The following TDRD7 variants were observed in gnomAD, a reference collection of about 807,000 sequenced individuals.
TDRD7 encodes tudor domain containing 7.
TDRD7 carries 47 observed loss-of-function variants against 109.8 expected under a neutral mutation model. The observed-to-expected ratio is 0.43, with a 90% CI of 0.34 to 0.55. TDRD7 has a LOEUF of 0.55. Ranked by LOEUF, TDRD7 falls within the 20% of genes least tolerant of loss-of-function variation. TDRD7 has a pLI of 0.03. For synonymous variants in TDRD7, 424 were observed against 457.3 expected, an observed-to-expected ratio of 0.93 and a Z score of 0.93; for missense variants, 1,164 against 1,319.2, an observed-to-expected ratio of 0.88 and a Z score of 1.82.
At chr9:97,444,743 A>T (rs934013733) in intron 6 of TDRD7, among the ~76,000 whole-genome samples, 1 of 152,184 alleles carries the variant, frequency 6.6e-6, no homozygotes, top group Admixed American at 6.5e-5. Flanking sequence ...AAAATATTCT[A>T]TATTAAAAGA....
In TDRD7 at chr9:97,460,657, T is replaced by A; in HGVS notation, c.1335T>A (p.Ala445=). 1 of 1,614,196 alleles carries A rather than the reference T, an allele frequency of 6.2e-7. No homozygotes were observed. The highest frequency in any genetic ancestry group is 8.5e-7 in the Non-Finnish European group (1 of 1,180,020). The change falls in exon 7 of 17, where the codon GCT becomes GCA. Residue 445 remains alanine, a synonymous_variant. Transcript: ENST00000355295. ...TAGAAGAAAGCATTGCTGAAAGTGC[T>A]AATACCTTTATGGAGGACATAACAG... is the stretch of plus-strand genomic sequence containing the variant. ...LQVEESIAES[A]NTFMEDITVP...
At position 97,415,734 on chromosome 9, in the gene TDRD7, A is replaced by G. The variant is rs1316350835; in HGVS notation, c.-7+3496A>G. On this transcript the variant is annotated intron_variant, in intron 1 of 16. Transcript: ENST00000355295. Reference sequence around the variant, plus strand: ...CTTGAACCCGGCAGGCGGAGGTTGCAGTGAGCCAAGATTGCGCCACTGCAC... The same window carrying G: ...CTTGAACCCGGCAGGCGGAGGTTGCGGTGAGCCAAGATTGCGCCACTGCAC... 5.9e-5 allele frequency among the ~76,000 whole-genome samples: 9 copies of G among 152,346 alleles called. No individual in the cohort carries two copies. In the South Asian group the frequency reaches 1.7e-3, roughly 28 times the overall value.
At chr9:97,426,081 A>G (rs893636483) in intron 1 of TDRD7, among the ~76,000 whole-genome samples, 4 of 152,210 alleles carry the variant, frequency 2.6e-5, no homozygotes, top group Admixed American at 6.5e-5. Context: ...TGGCATACCT[A>G]TATAGGTCAC....
At chr9:97,488,812 A>G (rs1373121690) in intron 16 of TDRD7, among the ~76,000 whole-genome samples, 1 of 152,144 alleles carries the variant, frequency 6.6e-6, no homozygotes, top group South Asian at 2.1e-4. Flanking sequence ...GTTTCCCTCT[A>G]AGTACAGCTT....
At chr9:97,441,527 G>C in intron 5 of TDRD7, 131 bp from the exon 6 acceptor site, 2 of 760,626 alleles carry the variant, frequency 2.6e-6, no homozygotes, top group Non-Finnish European at 4.4e-6. Flanking sequence ...GCCTAATCCT[G>C]CTCCCTTCTA....
chr9:97,448,758 T>G (rs1168746578), intron 6 of TDRD7, among the ~76,000 whole-genome samples: 8 of 152,192 alleles, frequency 5.3e-5, no homozygotes, highest in Non-Finnish European at 1.2e-4. Context: ...CCATATAAAA[T>G]GAAATTTAGA....
chr9:97,422,442 A>G (rs775628893), intron 1 of TDRD7, among the ~76,000 whole-genome samples: 3 of 152,226 alleles, frequency 2.0e-5, no homozygotes, highest in Non-Finnish European at 4.4e-5. Context: ...TCTGGATTAC[A>G]TATTCTGTTC....
chr9:97,487,066 C>T lies in TDRD7; in HGVS notation c.2916-106C>T, dbSNP rs1829223064. ...AAATATAGTTTTAAATTTTGATAAA[C>T]ATAATTTGCATTAATTTTTCTTTTT... On this transcript the variant is annotated intron_variant, in intron 15 of 16. Coordinates refer to ENST00000355295, the MANE Select transcript of TDRD7 (RefSeq NM_014290.3). 3 of 1,239,724 alleles carry T rather than the reference C, an allele frequency of 2.4e-6. No individual in the cohort carries two copies. The Admixed American group carries it at 5.9e-5, about 25-fold the overall frequency. The allele number at this position is 1,239,724 out of a possible 1,614,324, so 76.8% of individuals were successfully genotyped here. A position where few individuals can be genotyped will look rare whatever the true frequency, so the allele number is the denominator to read the frequency against.
In TDRD7 at chr9:97,482,829, A is replaced by AT. The variant is rs775991277; in HGVS notation, c.2413-14dup. On this transcript the variant is annotated intron_variant, in intron 14 of 16. Coordinates refer to ENST00000355295, the MANE Select transcript of TDRD7 (RefSeq NM_014290.3). ...AATGTGAACTTGTATTTCTTATATCATTTTTTGTGTTTTCCAAAGGTTACA... is the reference window on the plus strand; with the variant it reads ...AATGTGAACTTGTATTTCTTATATCATTTTTTTGTGTTTTCCAAAGGTTACA... 77 of 1,612,496 alleles carry AT rather than the reference A, an allele frequency of 4.8e-5. No homozygotes were observed. The highest frequency in any genetic ancestry group is 6.2e-5 in the Non-Finnish European group (73 of 1,179,012).
At chr9:97,475,604 T>A in intron 12 of TDRD7, 135 bp downstream of exon 12, 1 of 727,840 alleles carries the variant, frequency 1.4e-6, no homozygotes, top group Non-Finnish European at 2.4e-6. Flanking sequence ...ATGACCAGTA[T>A]GGTTGAAATT....
chr9:97,431,925 G>C, intron 3 of TDRD7, 100 bp from the exon 4 acceptor site: 1 of 1,098,224 alleles, frequency 9.1e-7, no homozygotes, highest in South Asian at 1.3e-5. Flanking sequence ...ACTGTTCTGA[G>C]AATAGACACC....
intron 1 of TDRD7, among the ~76,000 whole-genome samples, chr9:97,416,352 A>G (rs375377937): frequency 1.1e-4 from 17 of 152,248 alleles, no homozygotes; most frequent in African/African-American, 4.1e-4. Flanking sequence ...AACCTCATAC[A>G]CTAGTAGTTG....
intron 15 of TDRD7, among the ~76,000 whole-genome samples, chr9:97,486,492 A>G (rs988285963): frequency 6.6e-6 from 1 of 151,654 alleles, no homozygotes; most frequent in African/African-American, 2.4e-5. Flanking sequence ...CAGGTTCTTT[A>G]TTTTAGGTGG....
At position 97,482,854 on chromosome 9, in the gene TDRD7, A is replaced by G; in HGVS notation, c.2418A>G (p.Thr806=). 6.2e-7 allele frequency: 1 copy of G among 1,614,086 alleles called. No individual in the cohort carries two copies. The highest frequency in any genetic ancestry group is 8.5e-7 in the Non-Finnish European group (1 of 1,179,936). ...LNCSDCSIKV[T]KVDETRGIAH... is the part of the protein sequence containing the mutation. ...ATTTTTTGTGTTTTCCAAAGGTTACAAAAGTGGATGAAACCAGAGGGATCG... is the reference window on the plus strand; with the variant it reads ...ATTTTTTGTGTTTTCCAAAGGTTACGAAAGTGGATGAAACCAGAGGGATCG... The change falls in exon 15 of 17, where the codon ACA becomes ACG. Residue 806 remains threonine (T), a synonymous_variant. Coordinates refer to ENST00000355295, the MANE Select transcript of TDRD7 (RefSeq NM_014290.3).
At chr9:97,472,710 A>G (rs1828943080) in intron 10 of TDRD7, among the ~76,000 whole-genome samples, 1 of 152,208 alleles carries the variant, frequency 6.6e-6, no homozygotes, top group African/African-American at 2.4e-5. Context: ...CATTTCCTGC[A>G]ATGAGCATCT....
At chr9:97,419,182 A>T (rs1827858967) in intron 1 of TDRD7, among the ~76,000 whole-genome samples, 1 of 152,230 alleles carries the variant, frequency 6.6e-6, no homozygotes. Flanking sequence ...ATATACAAAG[A>T]TGCAAAGCCC....
intron 15 of TDRD7, among the ~76,000 whole-genome samples, chr9:97,485,774 A>G (rs1042747233): frequency 6.6e-6 from 1 of 152,220 alleles, no homozygotes; most frequent in Non-Finnish European, 1.5e-5. Flanking sequence ...AATATTAAAC[A>G]TGAGATGATT....
At chr9:97,457,849 G>A (rs995833124) in intron 6 of TDRD7, among the ~76,000 whole-genome samples, 2 of 152,110 alleles carry the variant, frequency 1.3e-5, no homozygotes, top group Non-Finnish European at 2.9e-5. Context: ...GGATGAAACC[G>A]GAAGCCATTA....
intron 6 of TDRD7, among the ~76,000 whole-genome samples, chr9:97,446,620 AT>A (rs1828405592): frequency 6.6e-6 from 1 of 152,208 alleles, no homozygotes; most frequent in African/African-American, 2.4e-5. Context: ...ACTCTTAAAA[AT>A]TCTTAAAATT....
Sources: allele counts gnomAD v4.1 joint callset (sites outside exome capture counted in the v4.1 genomes callset), GRCh38; gene constraint gnomAD v4.1.1; transcripts MANE v1.5; gene names NCBI Gene and HGNC (gene_info 2026-07-23, HGNC 2026-07-21).